The following PPP1R2 variants were observed in gnomAD, a reference collection of about 807,000 sequenced individuals.
The protein encoded by PPP1R2 is protein phosphatase 1 regulatory inhibitor subunit 2.
In PPP1R2, 16 loss-of-function variants were observed where a neutral mutation model predicts 29.9. That is an observed-to-expected ratio of 0.53 (90% CI 0.36 to 0.81). PPP1R2 has a LOEUF of 0.81. Among genes scored for constraint, PPP1R2 ranks in the 30% least tolerant of loss-of-function variants. The pLI is 0.00. For synonymous variants in PPP1R2, 76 were observed against 91.5 expected, an observed-to-expected ratio of 0.83 and a Z score of 0.96; for missense variants, 197 against 252.7, an observed-to-expected ratio of 0.78 and a Z score of 1.49.
rs143047612 is a variant in PPP1R2 at position 195,542,061 on chromosome 3, T to C, written c.122+843A>G. 4.8e-4 allele frequency among the ~76,000 whole-genome samples: 73 copies of C among 152,348 alleles called. 2 individuals carry two copies. In the East Asian group the frequency reaches 0.014, roughly 29 times the overall value. On this transcript the variant is annotated intron_variant, in intron 1 of 5. Coordinates refer to ENST00000618156, the MANE Select transcript of PPP1R2 (RefSeq NM_006241.8). The stretch of plus-strand genomic sequence containing the variant: ...TCAGAAAGTAGAGTCCTTCTATTTT[T>C]AGTATCTTGCAACGCCCAAGCCCCC...
Position 195,519,176 on chromosome 3 carries a change from C to T in PPP1R2, c.413G>A (p.Arg138Gln), listed in dbSNP as rs752371083. The change falls in exon 5 of 6, where the codon CGA (arginine) becomes CAA (glutamine). Residue 138 changes from arginine to glutamine, a missense_variant. Physicochemically the swap from Arg to Gln is conservative, Grantham distance 43. Transcript: ENST00000618156. The part of the protein sequence containing the change: ...DLSPEEREKK[R>Q]QFEMKRKLHY... ...AAGCTTCCTTTTCATTTCAAATTGT[C>T]GCTTTTTTTCTATAAGATGCAAAAT... 1.0e-5 allele frequency: 16 copies of T among 1,596,858 alleles called. No individual in the cohort carries two copies. The highest frequency in any genetic ancestry group is 3.3e-4 in the Middle Eastern group (2 of 6,012).
intron 2 of PPP1R2, among the ~76,000 whole-genome samples, chr3:195,526,758 G>A (rs900876833): frequency 1.3e-5 from 2 of 152,022 alleles, no homozygotes; most frequent in African/African-American, 4.8e-5. Flanking sequence ...GGGACTACAA[G>A]TACACACCAC....
At chr3:195,539,691 C>CA (rs934263183) in intron 1 of PPP1R2, among the ~76,000 whole-genome samples, 1 of 151,706 alleles carries the variant, frequency 6.6e-6, no homozygotes, top group African/African-American at 2.4e-5. Flanking sequence ...CAAAAATAAA[C>CA]AAAAAAAGAC....
intron 1 of PPP1R2, among the ~76,000 whole-genome samples, chr3:195,537,867 A>G (rs967897474): frequency 4.6e-5 from 7 of 152,248 alleles, no homozygotes; most frequent in African/African-American, 1.7e-4. Context: ...ACGGTATTAC[A>G]AAACAGACTC....
At position 195,516,006 on chromosome 3, in the gene PPP1R2, C is replaced by T. The variant is rs1394340522; in HGVS notation, c.*890G>A. 10 of 152,026 alleles carry T rather than the reference C, an allele frequency of 6.6e-5. No individual in the cohort carries two copies. The highest frequency in any genetic ancestry group is 4.6e-4 in the Admixed American group (7 of 15,262). 9.4% of individuals were successfully genotyped at this position (152,026 alleles called of 1,614,324 possible). A position where few individuals can be genotyped will look rare whatever the true frequency, so the allele number is the denominator to read the frequency against. ...GACAGAAGAGTGAGAGAAAGAGCTC[C>T]TAATGTGGTGACAGTCTTAATGATC... On this transcript the variant is annotated 3_prime_UTR_variant, in exon 6 of 6. Transcript: ENST00000618156.
intron 4 of PPP1R2, among the ~76,000 whole-genome samples, chr3:195,520,438 A>C (rs1718712516): frequency 6.6e-6 from 1 of 152,156 alleles, no homozygotes; most frequent in Non-Finnish European, 1.5e-5. Flanking sequence ...GCAAGAACCT[A>C]TCTCTACAAA....
At chr3:195,522,596 G>A (rs899200246) in intron 4 of PPP1R2, among the ~76,000 whole-genome samples, 6 of 152,146 alleles carry the variant, frequency 3.9e-5, no homozygotes, top group Non-Finnish European at 7.3e-5. Context: ...TACTTTTCAA[G>A]GATCTTTTGG....
intron 2 of PPP1R2, chr3:195,529,015 C>T (rs34658674): frequency 0.27 from 40,083 of 150,380 alleles, 6,312 homozygotes; most frequent in Admixed American, 0.45. Context: ...TACAGGTGCC[C>T]GCCACCATGC....
chr3:195,530,611 C>T (rs1440229985), intron 1 of PPP1R2, among the ~76,000 whole-genome samples: 2 of 150,130 alleles, frequency 1.3e-5, no homozygotes, highest in Non-Finnish European at 3.0e-5. Context: ...CTGCAACTTC[C>T]ACCTTCCCTG....
chr3:195,527,583 A>G (rs1719019381), intron 2 of PPP1R2, among the ~76,000 whole-genome samples: 1 of 152,168 alleles, frequency 6.6e-6, no homozygotes, highest in Non-Finnish European at 1.5e-5. Flanking sequence ...TTTTTAAATC[A>G]TGTCTGATCT....
chr3:195,524,374 T>G (rs577561708), intron 3 of PPP1R2, among the ~76,000 whole-genome samples: 3 of 152,084 alleles, frequency 2.0e-5, no homozygotes, highest in Non-Finnish European at 4.4e-5. Flanking sequence ...ATACAAAAAT[T>G]AGCCAGGCTT....
intron 1 of PPP1R2, among the ~76,000 whole-genome samples, chr3:195,532,219 T>TTCTTTTC (rs1491131606): frequency 1.6e-3 from 233 of 145,972 alleles, no homozygotes; most frequent in Middle Eastern, 0.014. Context: ...CTTTTTCTTT[T>TTCTTTTC]TTTTTTTTTT....
At chr3:195,518,542 T>C (rs1718635320) in intron 5 of PPP1R2, among the ~76,000 whole-genome samples, 1 of 151,526 alleles carries the variant, frequency 6.6e-6, no homozygotes, top group African/African-American at 2.4e-5. Context: ...TCCCAGCTAC[T>C]CGGGAGGCTG....
intron 4 of PPP1R2, among the ~76,000 whole-genome samples, chr3:195,521,659 TA>T (rs1191289279): frequency 6.6e-6 from 1 of 152,162 alleles, no homozygotes; most frequent in African/African-American, 2.4e-5. Flanking sequence ...TGTACTTATT[TA>T]TTTTTTTAAA....
At chr3:195,528,700 C>CTTTTTTTTTTTTTTTTTTTTTTT (rs767313014) in intron 2 of PPP1R2, 1 of 76,646 alleles carries the variant, frequency 1.3e-5, no homozygotes. Flanking sequence ...TAGGGCATAA[C>CTTTTTTTTTTTTTTTTTTTTTTT]TATTTTTTTT....
chr3:195,539,724 A>C (rs1038876379), intron 1 of PPP1R2, among the ~76,000 whole-genome samples: 1 of 152,170 alleles, frequency 6.6e-6, no homozygotes, highest in African/African-American at 2.4e-5. Context: ...GCAAAGTATA[A>C]ACAATAAGAA....
intron 2 of PPP1R2, among the ~76,000 whole-genome samples, chr3:195,527,144 G>T (rs190456964): frequency 1.3e-5 from 2 of 151,946 alleles, no homozygotes; most frequent in African/African-American, 4.8e-5. Context: ...GGTTGGTCTT[G>T]AACTCCTGGG....
At chr3:195,522,044 A>C (rs1287663822) in intron 4 of PPP1R2, among the ~76,000 whole-genome samples, 1 of 152,292 alleles carries the variant, frequency 6.6e-6, no homozygotes, top group East Asian at 1.9e-4. Context: ...TTTTATACCT[A>C]CTTTTACTTT....
intron 1 of PPP1R2, among the ~76,000 whole-genome samples, chr3:195,537,565 C>A (rs1424891003): frequency 6.9e-6 from 1 of 144,860 alleles, no homozygotes; most frequent in African/African-American, 2.6e-5. Context: ...ACTGTTGTTT[C>A]TTTGCCTAAT....
Sources: gnomAD v4.1 joint callset for allele counts (sites outside exome capture counted in the v4.1 genomes callset) on GRCh38, gnomAD v4.1.1 for gene constraint, MANE v1.5 for transcripts, NCBI Gene and HGNC (gene_info 2026-07-23, HGNC 2026-07-21) for gene names.